The following DOP1B variants were observed in gnomAD, a reference collection of about 807,000 sequenced individuals.
DOP1B encodes the protein DOP1 leucine zipper like protein B, also known as protein DOP1B.
In DOP1B, 174 loss-of-function variants were observed where a neutral mutation model predicts 233.5. The ratio of observed to expected loss-of-function variants is 0.75; its 90% confidence interval spans 0.66 to 0.85. The LOEUF (loss-of-function observed/expected upper bound fraction) is 0.85, where lower values mean the gene tolerates loss of function less well. DOP1B is among the 40% of genes least tolerant of loss of function. The probability of loss-of-function intolerance (pLI) is 0.00; values close to 1 mark genes in which losing one functional copy is unlikely to be tolerated. For synonymous variants in DOP1B, 1,190 were observed against 1,185.6 expected, an observed-to-expected ratio of 1.00 and a Z score of -0.08; for missense variants, 2,652 against 2,846.6, an observed-to-expected ratio of 0.93 and a Z score of 1.56.
intron 35 of DOP1B, among the ~76,000 whole-genome samples, chr21:36,290,705 G>T (rs1379667413): frequency 6.6e-6 from 1 of 151,594 alleles, no homozygotes; most frequent in Non-Finnish European, 1.5e-5. Flanking sequence ...CAGGAGAATC[G>T]CTTGAACCTG....
intron 10 of DOP1B, 57 bp downstream of exon 10, chr21:36,219,549 T>C (rs1569029013): frequency 6.3e-6 from 10 of 1,586,966 alleles, no homozygotes; most frequent in Non-Finnish European, 8.6e-6. Context: ...ACTGTGATTT[T>C]TTTTTTCCTC....
chr21:36,283,672 A>G (rs1437811894), intron 32 of DOP1B, among the ~76,000 whole-genome samples: 1 of 152,180 alleles, frequency 6.6e-6, no homozygotes, highest in African/African-American at 2.4e-5. Flanking sequence ...CTCTCCAAAG[A>G]CTGTGGCTAA....
chr21:36,277,842 A>C, intron 28 of DOP1B, 133 bp from the exon 29 acceptor site: 1 of 672,280 alleles, frequency 1.5e-6, no homozygotes, highest in Non-Finnish European at 2.6e-6. Context: ...GGGTTTCACC[A>C]TGTTGGCCAG....
intron 2 of DOP1B, chr21:36,170,070 A>G (rs2065958380): frequency 1.4e-6 from 1 of 692,762 alleles, no homozygotes; most frequent in Non-Finnish European, 2.7e-6. Flanking sequence ...CCAGCTTGGA[A>G]GGGTCATCCT....
chr21:36,190,026 AAT>A (rs1450358044), intron 2 of DOP1B, among the ~76,000 whole-genome samples: 5 of 146,078 alleles, frequency 3.4e-5, no homozygotes, highest in African/African-American at 1.3e-4. Flanking sequence ...AAAAAAAAAA[AAT>A]GATTTTCAGC....
chr21:36,188,862 TAAAG>T (rs1204458127), intron 2 of DOP1B, among the ~76,000 whole-genome samples: 1 of 152,186 alleles, frequency 6.6e-6, no homozygotes, highest in African/African-American at 2.4e-5. Flanking sequence ...ACGGGCTAAA[TAAAG>T]CGTTTTAAAA....
chr21:36,184,941 G>T (rs929996630), intron 2 of DOP1B, among the ~76,000 whole-genome samples: 4 of 152,198 alleles, frequency 2.6e-5, no homozygotes, highest in Non-Finnish European at 4.4e-5. Context: ...GAGCATGCCA[G>T]TTCTGTTCTG....
At chr21:36,263,208 T>C (rs533532674) in intron 24 of DOP1B, among the ~76,000 whole-genome samples, 1 of 121,736 alleles carries the variant, frequency 8.2e-6, no homozygotes, top group East Asian at 2.5e-4. Context: ...CACTCCAGCC[T>C]GGGCAACAAA....
chr21:36,271,780 T>G (rs2067292241), intron 27 of DOP1B, among the ~76,000 whole-genome samples: 1 of 151,672 alleles, frequency 6.6e-6, no homozygotes, highest in South Asian at 2.1e-4. Context: ...TAGAAATCTG[T>G]GTGGGATAAA....
chr21:36,222,690 C>T (rs2066639826), intron 10 of DOP1B, among the ~76,000 whole-genome samples: 1 of 151,894 alleles, frequency 6.6e-6, no homozygotes, highest in Non-Finnish European at 1.5e-5. Context: ...AACTGATTTT[C>T]TGTACAAATT....
At chr21:36,183,497 G>A (rs148026557) in intron 2 of DOP1B, among the ~76,000 whole-genome samples, 4 of 152,358 alleles carry the variant, frequency 2.6e-5, no homozygotes, top group Admixed American at 6.5e-5. Flanking sequence ...GCAGGCTGAC[G>A]TGGACGTACT....
In DOP1B at chr21:36,211,959, C is replaced by A. The variant is rs1338192690; in HGVS notation, c.781-15C>A. On this transcript the variant is annotated splice_polypyrimidine_tract_variant and intron_variant, in intron 6 of 36. Coordinates refer to ENST00000691173, the MANE Select transcript of DOP1B (RefSeq NM_001320714.2). Reference sequence around the variant, plus strand: ...TATCATTCCCTTGCAGTAAATTTCTCTGTCCTTCTAATAGGATTCCAATGA... The same window carrying A: ...TATCATTCCCTTGCAGTAAATTTCTATGTCCTTCTAATAGGATTCCAATGA... The A allele has an allele frequency of 6.8e-6, 11 of 1,613,666 alleles. No homozygotes were observed. The highest frequency in any genetic ancestry group is 1.1e-5 in the South Asian group (1 of 91,062).
chr21:36,175,116 CT>C (rs34930032), intron 2 of DOP1B, among the ~76,000 whole-genome samples: 92 of 145,626 alleles, frequency 6.3e-4, no homozygotes, highest in Non-Finnish European at 6.2e-4. Flanking sequence ...TCTTCTTCTT[CT>C]TTTTTTTTTT....
At chr21:36,273,788 C>T (rs2067318075) in intron 27 of DOP1B, among the ~76,000 whole-genome samples, 1 of 151,918 alleles carries the variant, frequency 6.6e-6, no homozygotes, top group Admixed American at 6.6e-5. Context: ...AGAAAGCACA[C>T]TAAGGGGCCG....
intron 7 of DOP1B, among the ~76,000 whole-genome samples, chr21:36,213,206 A>G (rs1326717827): frequency 1.3e-5 from 2 of 152,202 alleles, no homozygotes; most frequent in African/African-American, 4.8e-5. Context: ...TAAGAAGACT[A>G]TTTGTAGGCT....
chr21:36,165,669 C>T (rs145588199), intron 2 of DOP1B, among the ~76,000 whole-genome samples: 3 of 151,242 alleles, frequency 2.0e-5, no homozygotes, highest in East Asian at 2.0e-4. Context: ...TAAACCCTAT[C>T]GTGAACTGCA....
intron 22 of DOP1B, among the ~76,000 whole-genome samples, chr21:36,251,813 T>A (rs2123608929): frequency 6.6e-6 from 1 of 152,276 alleles, no homozygotes; most frequent in South Asian, 2.1e-4. Context: ...GCACCTGACT[T>A]CTGTTTTCTA....
chr21:36,258,910 G>A (rs2067137725), intron 23 of DOP1B, among the ~76,000 whole-genome samples: 1 of 151,878 alleles, frequency 6.6e-6, no homozygotes, highest in Non-Finnish European at 1.5e-5. Flanking sequence ...AGTATTTCTT[G>A]GGGATCTGGC....
At chr21:36,205,134 C>G (rs1168260458) in intron 4 of DOP1B, among the ~76,000 whole-genome samples, 2 of 152,220 alleles carry the variant, frequency 1.3e-5, no homozygotes, top group African/African-American at 2.4e-5. Flanking sequence ...TGTCTTGTGA[C>G]AGCTTGGCTT....
Sources: allele counts gnomAD v4.1 joint callset (sites outside exome capture counted in the v4.1 genomes callset), GRCh38; gene constraint gnomAD v4.1.1; transcripts MANE v1.5; gene names NCBI Gene and HGNC (gene_info 2026-07-23, HGNC 2026-07-21).